Variants in CADM1 observed in about 807,000 individuals in gnomAD.
The protein encoded by CADM1 is cell adhesion molecule 1.
In CADM1, 15 loss-of-function variants were observed where a neutral mutation model predicts 53.1. The ratio of observed to expected loss-of-function variants is 0.28; its 90% CI spans 0.19 to 0.44. The LOEUF (loss-of-function observed/expected upper bound fraction) is 0.44. Among genes scored for constraint, CADM1 ranks in the 20% least tolerant of loss-of-function variants. The pLI is 1.00. For synonymous variants in CADM1, 281 were observed against 243.0 expected (o/e 1.16, Z -1.45); for missense variants, 434 against 611.3 (o/e 0.71, Z 3.06).
chr11:115,332,311 G>C (rs1214945319), intron 1 of CADM1, among the ~76,000 whole-genome samples: 1 of 152,206 alleles, frequency 6.6e-6, no homozygotes, highest in Non-Finnish European at 1.5e-5. Flanking sequence ...CTATTTCAAA[G>C]AGGAGACTAA....
chr11:115,344,231 G>C (rs892740078), intron 1 of CADM1, among the ~76,000 whole-genome samples: 2 of 150,826 alleles, frequency 1.3e-5, no homozygotes, highest in African/African-American at 4.9e-5. Flanking sequence ...AATCCAAATT[G>C]CAAGAGTAAA....
chr11:115,289,769 G>A (rs1181238497), intron 1 of CADM1, among the ~76,000 whole-genome samples: 1 of 151,684 alleles, frequency 6.6e-6, no homozygotes, highest in Non-Finnish European at 1.5e-5. Context: ...CTAATTTTTT[G>A]TATTTTTAGT....
intron 1 of CADM1, among the ~76,000 whole-genome samples, chr11:115,350,305 C>A (rs1303324227): frequency 6.6e-6 from 1 of 152,162 alleles, no homozygotes; most frequent in Non-Finnish European, 1.5e-5. Flanking sequence ...GATGTATAGC[C>A]TAGCCATGCC....
At chr11:115,273,281 CTAGA>C (rs1471512479) in intron 1 of CADM1, among the ~76,000 whole-genome samples, 2 of 152,300 alleles carry the variant, frequency 1.3e-5, no homozygotes, top group African/African-American at 4.8e-5. Flanking sequence ...TCATCACTGT[CTAGA>C]TAAAGAATGT....
chr11:115,223,973 A>AAAGAG (rs59495248), intron 5 of CADM1, among the ~76,000 whole-genome samples: 18,098 of 92,718 alleles, frequency 0.2, 2,494 homozygotes, highest in Non-Finnish European at 0.28. Context: ...AAAAAAAAAA[A>AAAGAG]AGAGAGAGAG....
intron 1 of CADM1, among the ~76,000 whole-genome samples, chr11:115,400,268 C>T (rs1947103219): frequency 6.6e-6 from 1 of 152,026 alleles, no homozygotes; most frequent in African/African-American, 2.4e-5. Context: ...GAGGCAGGCA[C>T]AACCAGATAT....
At chr11:115,464,066 A>G (rs1948848310) in intron 1 of CADM1, among the ~76,000 whole-genome samples, 1 of 152,222 alleles carries the variant, frequency 6.6e-6, no homozygotes, top group South Asian at 2.1e-4. Flanking sequence ...GTCTGCTGAC[A>G]GAGACTGGAG....
intron 1 of CADM1, among the ~76,000 whole-genome samples, chr11:115,477,275 G>GA (rs138273240): frequency 0.015 from 2,283 of 151,174 alleles, 30 homozygotes; most frequent in Non-Finnish European, 0.022. Context: ...ATGGATCATG[G>GA]AAAAAAAAAT....
chr11:115,237,409 G>A (rs551355905), intron 3 of CADM1, among the ~76,000 whole-genome samples: 18 of 152,236 alleles, frequency 1.2e-4, no homozygotes, highest in Non-Finnish European at 2.1e-4. Context: ...GTGAGCATTA[G>A]GGTTATGTTT....
At chr11:115,393,916 C>G (rs1208473827) in intron 1 of CADM1, among the ~76,000 whole-genome samples, 2 of 151,952 alleles carry the variant, frequency 1.3e-5, no homozygotes, top group Admixed American at 6.6e-5. Flanking sequence ...AAATCATCTG[C>G]TATGAAAAGG....
intron 1 of CADM1, among the ~76,000 whole-genome samples, chr11:115,410,336 C>T (rs898047777): frequency 6.6e-6 from 1 of 152,330 alleles, no homozygotes; most frequent in African/African-American, 2.4e-5. Flanking sequence ...GTGTTATCCT[C>T]ATTATTCCCT....
intron 1 of CADM1, among the ~76,000 whole-genome samples, chr11:115,297,289 CAG>C (rs765995854): frequency 1.3e-5 from 2 of 152,098 alleles, no homozygotes; most frequent in African/African-American, 2.4e-5. Flanking sequence ...CGTCTAGGAT[CAG>C]AGAGACCTGG....
At chr11:115,427,478 G>A (rs188426235) in intron 1 of CADM1, among the ~76,000 whole-genome samples, 149 of 152,196 alleles carry the variant, frequency 9.8e-4, no homozygotes, top group African/African-American at 3.3e-3. Flanking sequence ...TGGATTTTAC[G>A]TTTATGCCTC....
chr11:115,317,212 T>C (rs1944690348), intron 1 of CADM1, among the ~76,000 whole-genome samples: 1 of 152,148 alleles, frequency 6.6e-6, no homozygotes, highest in Non-Finnish European at 1.5e-5. Flanking sequence ...AAAATTGATC[T>C]TCAATTGCCC....
chr11:115,485,837 G>A (rs944241203), intron 1 of CADM1, among the ~76,000 whole-genome samples: 1 of 152,170 alleles, frequency 6.6e-6, no homozygotes, highest in Admixed American at 6.5e-5. Flanking sequence ...TATCTGCAGC[G>A]CTGCTCTCAA....
At chr11:115,307,454 A>G (rs117427060) in intron 1 of CADM1, among the ~76,000 whole-genome samples, 1,870 of 151,570 alleles carry the variant, frequency 0.012, 135 homozygotes, top group Admixed American at 0.11. Flanking sequence ...TATAAATACA[A>G]AATTTAAAAA....
At chr11:115,417,750 T>G (rs979416488) in intron 1 of CADM1, among the ~76,000 whole-genome samples, 1 of 152,146 alleles carries the variant, frequency 6.6e-6, no homozygotes, top group African/African-American at 2.4e-5. Context: ...AATTTATAAA[T>G]TGTTTATTTC....
chr11:115,353,524 T>C (rs1440855223), intron 1 of CADM1, among the ~76,000 whole-genome samples: 1 of 152,218 alleles, frequency 6.6e-6, no homozygotes, highest in Non-Finnish European at 1.5e-5. Flanking sequence ...TGCAAGACTG[T>C]TATATATGCC....
intron 1 of CADM1, among the ~76,000 whole-genome samples, chr11:115,286,018 C>T (rs539815862): frequency 2.0e-4 from 30 of 152,240 alleles, no homozygotes; most frequent in Admixed American, 1.9e-3. Context: ...CCATGATATA[C>T]TCAAAGGCCA....
Sources: gnomAD v4.1 joint callset for allele counts (sites outside exome capture counted in the v4.1 genomes callset) on GRCh38, gnomAD v4.1.1 for gene constraint, MANE v1.5 for transcripts, NCBI Gene and HGNC (gene_info 2026-07-23, HGNC 2026-07-21) for gene names.